Variants in FOXK2 observed in about 807,000 individuals in gnomAD.
FOXK2 encodes the protein forkhead box protein K2.
Under a neutral mutation model 53.3 loss-of-function variants are expected in FOXK2, and 24 were observed. The observed-to-expected ratio is 0.45, with a 90% CI of 0.33 to 0.63. The LOEUF is 0.63. FOXK2 is among the 30% of genes least tolerant of loss of function. FOXK2 has a pLI of 0.03. For missense variants in FOXK2, 952 were observed against 910.5 expected, an observed-to-expected ratio of 1.05 and a Z score of -0.59; for synonymous variants, 505 against 407.1, an observed-to-expected ratio of 1.24 and a Z score of -2.89.
chr17:82,591,400 C>T (rs1419504965), intron 8 of FOXK2, among the ~76,000 whole-genome samples: 1 of 152,110 alleles, frequency 6.6e-6, no homozygotes, highest in East Asian at 1.9e-4. Flanking sequence ...CTCCTGTGTC[C>T]CCTGCTCTGC....
intron 1 of FOXK2, among the ~76,000 whole-genome samples, chr17:82,557,676 T>C (rs566055185): frequency 9.2e-5 from 14 of 151,824 alleles, no homozygotes; most frequent in Non-Finnish European, 1.9e-4. Context: ...AGAAATGGGA[T>C]CTTGCTCTGT....
chr17:82,573,765 GTC>G lies in FOXK2; in HGVS notation c.909+1896_909+1897del, dbSNP rs1476411615. 8.5e-5 allele frequency among the ~76,000 whole-genome samples: 13 copies of G among 152,338 alleles called. No individual in the cohort carries two copies. In the South Asian group the frequency reaches 2.7e-3, roughly 32 times the overall value. ...TGAGATACCAGTTACCTGGGGCTTT[GTC>G]AGTGTGTTTCTAAGAAGCTTTATTA... On this transcript the variant is annotated intron_variant, in intron 4 of 8. Coordinates refer to ENST00000335255, the MANE Select transcript of FOXK2 (RefSeq NM_004514.4).
intron 2 of FOXK2, among the ~76,000 whole-genome samples, chr17:82,567,570 C>G (rs1330660328): frequency 6.6e-6 from 1 of 152,200 alleles, no homozygotes; most frequent in Non-Finnish European, 1.5e-5. Flanking sequence ...TTCAGTGGAA[C>G]CGCTTGCTCC....
chr17:82,558,306 C>A (rs1370066867), intron 1 of FOXK2, among the ~76,000 whole-genome samples: 2 of 152,184 alleles, frequency 1.3e-5, no homozygotes, highest in Admixed American at 1.3e-4. Flanking sequence ...TTGCTGCACT[C>A]CAACCTGGGC....
chr17:82,581,491 T>TC lies in FOXK2; in HGVS notation c.910-1250_910-1249insC, dbSNP rs2045059014. Among the ~76,000 whole-genome samples, 4 of 150,324 alleles carry TC rather than the reference T, an allele frequency of 2.7e-5. 1 individual carries two copies. The South Asian group carries it at 8.5e-4, about 32-fold the overall frequency. ...ATTTTTGTGTGGGTTTTTTTTTTTT[T>TC]TTGAGATGGAGTCTTACTCTGTCGC... On this transcript the variant is annotated intron_variant, in intron 4 of 8. Coordinates refer to ENST00000335255, the MANE Select transcript of FOXK2 (RefSeq NM_004514.4).
In FOXK2 at chr17:82,577,270, T is replaced by C. The variant is rs192475875; in HGVS notation, c.909+5400T>C. ...CCAGGTAGTACTTGTCCATGTAATT[T>C]CTCTGTAATAACTGGAACTCGTTAT... is the stretch of plus-strand genomic sequence containing the variant. On this transcript the variant is annotated intron_variant, in intron 4 of 8. Coordinates refer to ENST00000335255, the MANE Select transcript of FOXK2 (RefSeq NM_004514.4). 1.5e-4 allele frequency: 199 copies of C among 1,291,380 alleles called. No individual in the cohort carries two copies. The African/African-American group carries it at 2.7e-3, about 18-fold the overall frequency. The allele number at this position is 1,291,380 out of a possible 1,614,324, so 80.0% of individuals were successfully genotyped here.
intron 1 of FOXK2, among the ~76,000 whole-genome samples, chr17:82,522,963 T>C (rs1202097440): frequency 6.6e-6 from 1 of 151,872 alleles, no homozygotes; most frequent in Non-Finnish European, 1.5e-5. Context: ...CCCAGCTAAT[T>C]TTTGTATTTT....
In FOXK2 at chr17:82,571,939, T is replaced by C. The variant is rs113143356; in HGVS notation, c.909+69T>C. 5.6e-6 allele frequency: 8 copies of C among 1,428,174 alleles called. No homozygotes were observed. The African/African-American group carries it at 1.0e-4, about 19-fold the overall frequency. 88.5% of individuals were successfully genotyped at this position (1,428,174 alleles called of 1,614,324 possible). A position where few individuals can be genotyped will look rare whatever the true frequency, so the allele number is the denominator to read the frequency against. ...CGAGAAGAAAGTGGAGCGGCTGCTG[T>C]CTGGAACACAGGCACAGGATAGGAA... On this transcript the variant is annotated intron_variant, in intron 4 of 8. Coordinates refer to ENST00000335255, the MANE Select transcript of FOXK2 (RefSeq NM_004514.4).
At chr17:82,525,000 C>T (rs74678681) in intron 1 of FOXK2, among the ~76,000 whole-genome samples, 26,519 of 141,694 alleles carry the variant, frequency 0.19, 2,733 homozygotes, top group Non-Finnish European at 0.24. Context: ...TTTTTTAAAT[C>T]GGTCTCTGTC....
At chr17:82,584,303 A>G (rs1037970770) in intron 6 of FOXK2, 115 bp downstream of exon 6, 2 of 1,082,098 alleles carry the variant, frequency 1.8e-6, no homozygotes, top group South Asian at 4.2e-5. Context: ...TCTGTACCTT[A>G]TACTAGTACC....
intron 1 of FOXK2, among the ~76,000 whole-genome samples, chr17:82,550,811 G>C (rs1349887092): frequency 1.3e-5 from 2 of 152,090 alleles, no homozygotes; most frequent in Non-Finnish European, 2.9e-5. Context: ...GCCCTGAGGT[G>C]GGCTTTGTGC....
intron 8 of FOXK2, chr17:82,588,387 AGGGCTGGCGATT>A: frequency 6.2e-6 from 1 of 160,208 alleles, no homozygotes; most frequent in Non-Finnish European, 1.4e-5. Flanking sequence ...GGAAGCCGGG[AGGGCTGGCGATT>A]GGAGGGCAGG....
At chr17:82,532,262 A>G (rs1371302289) in intron 1 of FOXK2, among the ~76,000 whole-genome samples, 2 of 151,866 alleles carry the variant, frequency 1.3e-5, no homozygotes, top group Non-Finnish European at 2.9e-5. Flanking sequence ...CTCCTGCCTC[A>G]GCTTTCCGAG....
intron 7 of FOXK2, 56 bp from the exon 8 acceptor site, chr17:82,587,007 A>G (rs980515711): frequency 6.4e-7 from 1 of 1,556,186 alleles, no homozygotes. Context: ...TAAACTGGCA[A>G]GATTTTTATT....
intron 1 of FOXK2, among the ~76,000 whole-genome samples, chr17:82,531,449 T>C (rs556668242): frequency 5.3e-5 from 8 of 152,208 alleles, no homozygotes; most frequent in Non-Finnish European, 1.2e-4. Flanking sequence ...CACTTAACTG[T>C]GGAAATCATT....
rs1401265620 is a variant in FOXK2 at position 82,524,321 on chromosome 17, A to G, written c.419+4014A>G. 4.6e-5 allele frequency among the ~76,000 whole-genome samples: 7 copies of G among 152,256 alleles called. No homozygotes were observed. In the East Asian group the frequency reaches 9.6e-4, roughly 21 times the overall value. Reference sequence around the variant, plus strand: ...ACCACAATGATTTTATTCAAATTCCAACTTCAAAATGAATTTATGTTTTGA... The same window carrying G: ...ACCACAATGATTTTATTCAAATTCCGACTTCAAAATGAATTTATGTTTTGA... On this transcript the variant is annotated intron_variant, in intron 1 of 8. Transcript: ENST00000335255.
intron 1 of FOXK2, among the ~76,000 whole-genome samples, chr17:82,547,245 C>T (rs1356780051): frequency 6.6e-6 from 1 of 152,012 alleles, no homozygotes; most frequent in Non-Finnish European, 1.5e-5. Flanking sequence ...TATTGTGGTT[C>T]TCCATTGTGG....
chr17:82,544,427 A>G (rs1392619482), intron 1 of FOXK2, among the ~76,000 whole-genome samples: 1 of 151,946 alleles, frequency 6.6e-6, no homozygotes, highest in East Asian at 1.9e-4. Context: ...CTGGTACAGT[A>G]CACACACACA....
chr17:82,576,619 G>A (rs183281014), intron 4 of FOXK2: 62 of 1,104,664 alleles, frequency 5.6e-5, no homozygotes, highest in South Asian at 2.6e-4. Context: ...ACCCAGTGCC[G>A]CAGATTGTTC....
Sources: allele counts gnomAD v4.1 joint callset (sites outside exome capture counted in the v4.1 genomes callset), GRCh38; gene constraint gnomAD v4.1.1; transcripts MANE v1.5; gene names NCBI Gene and HGNC (gene_info 2026-07-23, HGNC 2026-07-21).